ANKRD28: variants seen among roughly 807,000 people sequenced by gnomAD.
ANKRD28 encodes the protein ankyrin repeat domain 28, also known as serine/threonine-protein phosphatase 6 regulatory ankyrin repeat subunit A.
ANKRD28 carries 44 observed loss-of-function variants against 126.5 expected under a neutral mutation model. The ratio of observed to expected loss-of-function variants is 0.35; its 90% CI spans 0.27 to 0.45. The LOEUF is 0.45. Ranked by LOEUF, ANKRD28 falls within the 20% of genes least tolerant of loss-of-function variation. The pLI is 1.00. For synonymous variants in ANKRD28, 442 were observed against 468.5 expected (o/e 0.94, Z 0.73); for missense variants, 1,110 against 1,316.6 (o/e 0.84, Z 2.43).
At chr3:15,780,765 C>T (rs2059502220) in intron 2 of ANKRD28, among the ~76,000 whole-genome samples, 1 of 152,116 alleles carries the variant, frequency 6.6e-6, no homozygotes, top group Admixed American at 6.6e-5. Flanking sequence ...GAAATAAATT[C>T]ACTCATTTAT....
At chr3:15,836,929 G>A (rs967102181) in intron 1 of ANKRD28, among the ~76,000 whole-genome samples, 4 of 151,496 alleles carry the variant, frequency 2.6e-5, no homozygotes, top group African/African-American at 9.7e-5. Context: ...TGAAACCCAG[G>A]CTCTACTAAA....
upstream of ANKRD28, chr3:15,797,987 T>G: frequency 1.0e-6 from 1 of 985,358 alleles, no homozygotes; most frequent in African/African-American, 1.7e-5. Context: ...TCTGAGCTAC[T>G]TCTCGGGATG....
intron 1 of ANKRD28, among the ~76,000 whole-genome samples, chr3:15,822,463 A>G (rs1480074020): frequency 6.6e-6 from 1 of 152,258 alleles, no homozygotes; most frequent in African/African-American, 2.4e-5. Context: ...ACAAGCAGCA[A>G]TAACAATCCC....
intron 6 of ANKRD28, among the ~76,000 whole-genome samples, chr3:15,728,153 A>G (rs1559418621): frequency 1.3e-5 from 2 of 151,416 alleles, no homozygotes; most frequent in African/African-American, 4.9e-5. Context: ...GATAGTTAGC[A>G]TTTTTTTTTA....
At chr3:15,822,124 G>C (rs1401599825) in intron 1 of ANKRD28, among the ~76,000 whole-genome samples, 3 of 152,204 alleles carry the variant, frequency 2.0e-5, no homozygotes, top group Admixed American at 2.0e-4. Flanking sequence ...CATATGCTCA[G>C]AGAAGACTCA....
chr3:15,680,722 G>C (rs1343041466), intron 21 of ANKRD28, among the ~76,000 whole-genome samples: 3 of 152,058 alleles, frequency 2.0e-5, no homozygotes, highest in Non-Finnish European at 4.4e-5. Flanking sequence ...TTGAAGTGCA[G>C]TGGCATGATC....
intron 6 of ANKRD28, chr3:15,732,022 A>G (rs1221589401): frequency 6.6e-6 from 1 of 152,098 alleles, no homozygotes; most frequent in African/African-American, 2.4e-5. Flanking sequence ...TGGTCTCTAC[A>G]GTTTCCTAGT....
chr3:15,689,965 A>G, intron 18 of ANKRD28, 54 bp downstream of exon 18: 1 of 1,432,928 alleles, frequency 7.0e-7, no homozygotes, highest in South Asian at 1.4e-5. Context: ...TCAGAAATTG[A>G]AAAAAAGTAT....
intron 13 of ANKRD28, among the ~76,000 whole-genome samples, chr3:15,708,494 A>C (rs2071771190): frequency 6.6e-6 from 1 of 152,164 alleles, no homozygotes; most frequent in South Asian, 2.1e-4. Context: ...AAATAGAAGA[A>C]ACATTAAAAA....
Position 15,690,011 on chromosome 3 carries a change from T to C in ANKRD28, c.1963+8A>G. ...TTATAAATAAATCAAGCATAATATC[T>C]GGCATACCTGCTGCATGAATAGGTG... On this transcript the variant is annotated splice_region_variant and intron_variant, in intron 18 of 27. Transcript: ENST00000683139. The C allele has an allele frequency of 4.4e-6, 7 of 1,596,388 alleles. No individual in the cohort carries two copies. The highest frequency in any genetic ancestry group is 6.0e-6 in the Non-Finnish European group (7 of 1,169,826).
At chr3:15,825,429 G>A (rs1460324551) in intron 1 of ANKRD28, among the ~76,000 whole-genome samples, 1 of 152,126 alleles carries the variant, frequency 6.6e-6, no homozygotes. Flanking sequence ...AATTTATATG[G>A]AAGACCAAAG....
intron 2 of ANKRD28, among the ~76,000 whole-genome samples, chr3:15,767,067 T>C (rs1290633694): frequency 6.6e-6 from 1 of 152,180 alleles, no homozygotes; most frequent in Non-Finnish European, 1.5e-5. Context: ...TTCCTGCTAG[T>C]TTTACTTTCA....
At chr3:15,686,457 G>T in intron 18 of ANKRD28, 148 bp from the exon 19 acceptor site, 1 of 666,232 alleles carries the variant, frequency 1.5e-6, no homozygotes, top group Non-Finnish European at 2.5e-6. Flanking sequence ...TAAAAAGAAG[G>T]TTTCTACGGC....
At chr3:15,699,718 T>TA (rs1390608898) in intron 14 of ANKRD28, among the ~76,000 whole-genome samples, 3 of 152,150 alleles carry the variant, frequency 2.0e-5, no homozygotes, top group Non-Finnish European at 4.4e-5. Flanking sequence ...TGGCCATCAT[T>TA]AAAAAGTCAG....
chr3:15,749,760 T>C (rs896192545), intron 4 of ANKRD28, among the ~76,000 whole-genome samples: 1 of 152,194 alleles, frequency 6.6e-6, no homozygotes, highest in African/African-American at 2.4e-5. Context: ...AGTGATTGTT[T>C]TTGCTCTTCT....
intron 27 of ANKRD28, among the ~76,000 whole-genome samples, chr3:15,672,170 G>T (rs2066436917): frequency 6.8e-6 from 1 of 147,854 alleles, no homozygotes; most frequent in Admixed American, 6.8e-5. Context: ...TTTTGAGACA[G>T]GGTCTTGTTC....
chr3:15,745,608 A>G (rs2057424380), intron 4 of ANKRD28, among the ~76,000 whole-genome samples: 1 of 152,132 alleles, frequency 6.6e-6, no homozygotes, highest in Non-Finnish European at 1.5e-5. Flanking sequence ...TTTGGTGACT[A>G]TGGCCTTATA....
chr3:15,705,476 G>A (rs2071230970), intron 14 of ANKRD28, among the ~76,000 whole-genome samples: 1 of 152,272 alleles, frequency 6.6e-6, no homozygotes, highest in Middle Eastern at 3.4e-3. Flanking sequence ...GTCTGTGAAA[G>A]TAGTGGTAAA....
intron 1 of ANKRD28, among the ~76,000 whole-genome samples, chr3:15,828,253 T>G (rs1235806183): frequency 6.6e-6 from 1 of 152,006 alleles, no homozygotes; most frequent in Non-Finnish European, 1.5e-5. Flanking sequence ...TTTCTAGAGG[T>G]CAAAACAGGC....
Sources: allele counts gnomAD v4.1 joint callset (sites outside exome capture counted in the v4.1 genomes callset), GRCh38; gene constraint gnomAD v4.1.1; transcripts MANE v1.5; gene names NCBI Gene and HGNC (gene_info 2026-07-23, HGNC 2026-07-21).